Variants in SDK1 observed in about 807,000 individuals in gnomAD.
The protein encoded by SDK1 is sidekick cell adhesion molecule 1.
Under a neutral mutation model 245.5 loss-of-function variants are expected in SDK1, and 157 were observed. The observed-to-expected ratio is 0.64, with a 90% CI of 0.56 to 0.73. The LOEUF is 0.73. SDK1 is among the 30% of genes least tolerant of loss of function. The probability of loss-of-function intolerance (pLI) is 0.00; values close to 1 mark genes in which losing one functional copy is unlikely to be tolerated. For synonymous variants in SDK1, 1,647 were observed against 1,278.5 expected, an observed-to-expected ratio of 1.29 and a Z score of -6.15; for missense variants, 3,583 against 3,002.3, an observed-to-expected ratio of 1.19 and a Z score of -4.52.
At chr7:4,201,666 A>G (rs1344642311) in intron 35 of SDK1, among the ~76,000 whole-genome samples, 4 of 152,128 alleles carry the variant, frequency 2.6e-5, no homozygotes, top group African/African-American at 7.2e-5. Flanking sequence ...CGGTGACAGG[A>G]GGCGCCTGGC....
chr7:3,946,429 C>T (rs781528522), intron 5 of SDK1, among the ~76,000 whole-genome samples: 2 of 152,150 alleles, frequency 1.3e-5, no homozygotes, highest in Non-Finnish European at 2.9e-5. Flanking sequence ...ATCCTCCCAC[C>T]TCAGCGTCCT....
At chr7:4,050,351 A>T (rs1274921741) in intron 18 of SDK1, among the ~76,000 whole-genome samples, 1 of 152,226 alleles carries the variant, frequency 6.6e-6, no homozygotes, top group East Asian at 1.9e-4. Flanking sequence ...TTACCCTCAG[A>T]AGTATCCAAA....
rs191884081 is a variant in SDK1, at chr7:4,119,938, G to A, written c.3823+5664G>A. On this transcript the variant is annotated intron_variant, in intron 25 of 44. Transcript: ENST00000404826. ...TATTAAAGTCTTAGTAAAATAAAGC[G>A]TTAACATTTTAAGTAAAGATTAAGG... 1.4e-4 allele frequency among the ~76,000 whole-genome samples: 21 copies of A among 148,800 alleles called. 2 individuals carry two copies. The highest frequency in any genetic ancestry group is 8.9e-4 in the South Asian group (4 of 4,512).
chr7:4,101,886 C>T lies in SDK1; in HGVS notation c.3325-8777C>T, dbSNP rs998224297. Among the ~76,000 whole-genome samples, 3 of 152,070 alleles carry T rather than the reference C, an allele frequency of 2.0e-5. No individual in the cohort carries two copies. The South Asian group carries it at 6.2e-4, about 32-fold the overall frequency. ...CACTCAGGAGGGTCAGAGAAAGGGC[C>T]AGATGGGGAGTGGAGGGAGATCGAG... On this transcript the variant is annotated intron_variant, in intron 22 of 44. Coordinates refer to ENST00000404826, the MANE Select transcript of SDK1 (RefSeq NM_152744.4).
chr7:4,149,425 G>T lies in SDK1; in HGVS notation c.4587G>T (p.Ser1529=), dbSNP rs1007875661. The T allele has an allele frequency of 1.3e-6, 2 of 1,568,918 alleles. No homozygotes were observed. Among genetic ancestry groups the T allele is most frequent in the Non-Finnish European group, 8.6e-7 (1 of 1,158,874 alleles). ...GGGGTGAGTGGCAGACCTACTCCTC[G>T]TCCATCAGCCATGAGGCGACAGCAT... The part of the protein sequence containing the change: ...LPRGEWQTYS[S]SISHEATACV... Residue 1529 remains serine, a synonymous_variant, in exon 30 of 45, where the codon TCG becomes TCT. Coordinates refer to ENST00000404826, the MANE Select transcript of SDK1 (RefSeq NM_152744.4).
rs1220618095 is a variant in SDK1, at chr7:3,638,992, G to C, written c.459-12G>C. ...GATATAAGCATTAACACTTCTTTTT[G>C]CTATTCAACAGGTACATTATTCCAT... On this transcript the variant is annotated splice_polypyrimidine_tract_variant and intron_variant, in intron 2 of 44. Transcript: ENST00000404826. 4 of 1,554,484 alleles carry C rather than the reference G, an allele frequency of 2.6e-6. No homozygotes were observed. Among genetic ancestry groups the C allele is most frequent in the Middle Eastern group, 1.7e-4 (1 of 5,878 alleles).
chr7:4,267,564 A>T lies in SDK1; in HGVS notation c.*2180A>T. 1 of 985,512 alleles carries T rather than the reference A, an allele frequency of 1.0e-6. No individual in the cohort carries two copies. Among genetic ancestry groups the T allele is most frequent in the Middle Eastern group, 5.2e-4 (1 of 1,916 alleles). 61.0% of individuals were successfully genotyped at this position (985,512 alleles called of 1,614,324 possible). A position where few individuals can be genotyped will look rare whatever the true frequency, so the allele number is the denominator to read the frequency against. On this transcript the variant is annotated 3_prime_UTR_variant, in exon 45 of 45. Coordinates refer to ENST00000404826, the MANE Select transcript of SDK1 (RefSeq NM_152744.4). ...ACTGGAATTTCTTGGAAGAGAAGCG[A>T]TAAATGGAGACCATGGCCAGCGCTG...
intron 1 of SDK1, among the ~76,000 whole-genome samples, chr7:3,448,783 C>T (rs1434595969): frequency 3.3e-5 from 5 of 152,090 alleles, no homozygotes; most frequent in African/African-American, 4.8e-5. Context: ...CATTTTTCCC[C>T]AGCTTAACCC....
intron 1 of SDK1, among the ~76,000 whole-genome samples, chr7:3,510,553 A>G (rs1782546292): frequency 6.6e-6 from 1 of 152,202 alleles, no homozygotes; most frequent in Non-Finnish European, 1.5e-5. Context: ...TGAGGAACAG[A>G]AACTTCTGTG....
At chr7:4,064,820 T>G (rs1256809343) in intron 19 of SDK1, among the ~76,000 whole-genome samples, 29 of 152,070 alleles carry the variant, frequency 1.9e-4, no homozygotes, top group Admixed American at 1.9e-3. Flanking sequence ...ATATCACAAG[T>G]TCTCACTCAT....
At chr7:3,727,648 G>C (rs543534628) in intron 4 of SDK1, among the ~76,000 whole-genome samples, 1 of 151,954 alleles carries the variant, frequency 6.6e-6, no homozygotes, top group East Asian at 1.9e-4. Context: ...ACACCAGCGC[G>C]TCCGGCTAAA....
chr7:3,487,754 CAAAA>C lies in SDK1; in HGVS notation c.299-131307_299-131304del, dbSNP rs764105126. On this transcript the variant is annotated intron_variant, in intron 1 of 44. Coordinates refer to ENST00000404826, the MANE Select transcript of SDK1 (RefSeq NM_152744.4). ...TGGGCAACAGAGCAAGACCCCATCT[CAAAA>C]AAAAAAAAAAAAAAAAAAGAAAAGG... 8.0e-3 allele frequency among the ~76,000 whole-genome samples: 517 copies of C among 64,930 alleles called. 2 individuals carry two copies. The highest frequency in any genetic ancestry group is 0.013 in the Non-Finnish European group (441 of 33,888). 42.6% of individuals were successfully genotyped at this position (64,930 alleles called of 152,430 possible).
chr7:3,948,393 G>C (rs1780662579), intron 5 of SDK1, among the ~76,000 whole-genome samples: 1 of 151,930 alleles, frequency 6.6e-6, no homozygotes, highest in Non-Finnish European at 1.5e-5. Flanking sequence ...GAGTAGCTGG[G>C]ACTACAAGCA....
At chr7:3,662,703 TTATA>T (rs1180550539) in intron 4 of SDK1, among the ~76,000 whole-genome samples, 1 of 152,192 alleles carries the variant, frequency 6.6e-6, no homozygotes, top group East Asian at 1.9e-4. Flanking sequence ...TGTACAGTGT[TTATA>T]TACGTATATA....
At chr7:3,987,034 G>C (rs1319495883) in intron 13 of SDK1, 152 bp from the exon 14 acceptor site, 1 of 714,692 alleles carries the variant, frequency 1.4e-6, no homozygotes, top group Non-Finnish European at 2.3e-6. Flanking sequence ...CTTTTCTGGG[G>C]GGAAGAGAGT....
chr7:4,071,259 A>T (rs1201290821), intron 20 of SDK1, among the ~76,000 whole-genome samples: 3 of 150,962 alleles, frequency 2.0e-5, no homozygotes, highest in Non-Finnish European at 3.0e-5. Context: ...TCCTGACCTC[A>T]GGTGATCCAC....
In SDK1 at chr7:4,017,304, G is replaced by A. The variant is rs754180345; in HGVS notation, c.2554G>A (p.Gly852Ser). Residue 852 changes from glycine (G) to serine (S), a missense_variant, in exon 17 of 45, where the codon GGT becomes AGT. By Grantham distance (56) the Gly-to-Ser change is moderately conservative. Coordinates refer to ENST00000404826, the MANE Select transcript of SDK1 (RefSeq NM_152744.4). ...ACAGGTGGCGGCGTACAACGGGGCC[G>A]GTCTGGGCGTCTTCAGCAGGGCAGT... ...EIQVAAYNGA[G>S]LGVFSRAVTE... 13 of 1,613,646 alleles carry A rather than the reference G, an allele frequency of 8.1e-6. No individual in the cohort carries two copies. The South Asian group carries it at 1.1e-4, about 14-fold the overall frequency.
At chr7:4,111,423 C>A (rs1026488631) in intron 23 of SDK1, among the ~76,000 whole-genome samples, 1 of 151,426 alleles carries the variant, frequency 6.6e-6, no homozygotes, top group Admixed American at 6.6e-5. Flanking sequence ...ACATTTCATA[C>A]GATTGGAGAA....
At chr7:3,587,337 A>C (rs753513645) in intron 1 of SDK1, among the ~76,000 whole-genome samples, 1 of 151,536 alleles carries the variant, frequency 6.6e-6, no homozygotes, top group African/African-American at 2.4e-5. Context: ...GTCTAAAGAG[A>C]TTTATTAGAA....
Sources: gnomAD v4.1 joint callset for allele counts (sites outside exome capture counted in the v4.1 genomes callset) on GRCh38, gnomAD v4.1.1 for gene constraint, MANE v1.5 for transcripts, NCBI Gene and HGNC (gene_info 2026-07-23, HGNC 2026-07-21) for gene names.